Variants in TRAM2 observed in about 807,000 individuals in gnomAD.
The protein encoded by TRAM2 is translocating chain-associated membrane protein 2.
Under a neutral mutation model 51.0 loss-of-function variants are expected in TRAM2, and 12 were observed. The observed-to-expected ratio is 0.24, with a 90% CI of 0.15 to 0.38. The LOEUF (loss-of-function observed/expected upper bound fraction) is 0.38, where lower values mean the gene tolerates loss of function less well. Ranked by LOEUF, TRAM2 falls within the 10% of genes least tolerant of loss-of-function variation. TRAM2 has a pLI of 1.00. For synonymous variants in TRAM2, 175 were observed against 179.4 expected (o/e 0.98, Z 0.20); for missense variants, 361 against 462.0 (o/e 0.78, Z 2.00).
At chr6:52,573,433 G>A (rs1475339087) in intron 1 of TRAM2, among the ~76,000 whole-genome samples, 4 of 152,182 alleles carry the variant, frequency 2.6e-5, no homozygotes, top group African/African-American at 9.7e-5. Context: ...CGGTGGAAAG[G>A]AAGGAGGGGG....
chr6:52,521,315 G>A (rs1766669075), intron 2 of TRAM2, among the ~76,000 whole-genome samples: 1 of 152,076 alleles, frequency 6.6e-6, no homozygotes, highest in Admixed American at 6.5e-5. Flanking sequence ...TTGGACCTTT[G>A]TCCCCTTCCA....
At chr6:52,568,465 A>C (rs1388852273) in intron 1 of TRAM2, among the ~76,000 whole-genome samples, 3 of 152,214 alleles carry the variant, frequency 2.0e-5, no homozygotes, top group Admixed American at 1.3e-4. Flanking sequence ...TTCTGCTCTA[A>C]GTTCTGAGGA....
intron 1 of TRAM2, among the ~76,000 whole-genome samples, chr6:52,557,192 C>CAAAAAAAAAAAAAAA (rs371429027): frequency 2.1e-5 from 3 of 140,160 alleles, no homozygotes; most frequent in South Asian, 2.3e-4. Context: ...AACTCTGTCT[C>CAAAAAAAAAAAAAAA]AAAAAAAAAA....
intron 4 of TRAM2, among the ~76,000 whole-genome samples, chr6:52,514,353 G>A (rs542908377): frequency 6.6e-6 from 1 of 152,160 alleles, no homozygotes; most frequent in Non-Finnish European, 1.5e-5. Flanking sequence ...TTCCAACGGA[G>A]GAGGGCAAGG....
intron 9 of TRAM2, among the ~76,000 whole-genome samples, chr6:52,505,199 G>A (rs866446814): frequency 3.3e-5 from 5 of 152,220 alleles, no homozygotes; most frequent in African/African-American, 1.2e-4. Flanking sequence ...ACTCTCCTGG[G>A]CCTAGGGGCT....
chr6:52,574,226 G>A (rs748965720), intron 1 of TRAM2, among the ~76,000 whole-genome samples: 22 of 152,002 alleles, frequency 1.4e-4, no homozygotes, highest in African/African-American at 4.8e-4. Flanking sequence ...GTTATGAGGC[G>A]TCTCCCCAGG....
At chr6:52,549,377 C>T (rs1355574371) in intron 1 of TRAM2, among the ~76,000 whole-genome samples, 1 of 151,800 alleles carries the variant, frequency 6.6e-6, no homozygotes, top group Non-Finnish European at 1.5e-5. Flanking sequence ...CAAAGCTTTG[C>T]TTCCCACAAT....
chr6:52,550,847 G>T (rs142423960), intron 1 of TRAM2, among the ~76,000 whole-genome samples: 42 of 152,272 alleles, frequency 2.8e-4, no homozygotes, highest in African/African-American at 8.7e-4. Context: ...GGGATTACAG[G>T]AGTGTGCCAC....
At chr6:52,521,675 A>C (rs989234374) in intron 2 of TRAM2, among the ~76,000 whole-genome samples, 4 of 151,934 alleles carry the variant, frequency 2.6e-5, no homozygotes, top group Admixed American at 2.0e-4. Flanking sequence ...CTAGCCTGGG[A>C]GACAGAGCGA....
chr6:52,523,775 T>C (rs1766721911), intron 2 of TRAM2: 1 of 152,264 alleles, frequency 6.6e-6, no homozygotes, highest in African/African-American at 2.4e-5. Flanking sequence ...ACCACAGCAC[T>C]GTTTTTAATG....
intron 4 of TRAM2, among the ~76,000 whole-genome samples, chr6:52,513,388 G>GT (rs1323182735): frequency 6.6e-6 from 1 of 152,198 alleles, no homozygotes; most frequent in Non-Finnish European, 1.5e-5. Context: ...TGGGCACTTA[G>GT]TATGTGCCAG....
At chr6:52,514,492 T>C (rs768728724) in intron 4 of TRAM2, among the ~76,000 whole-genome samples, 3 of 152,174 alleles carry the variant, frequency 2.0e-5, no homozygotes, top group Non-Finnish European at 4.4e-5. Flanking sequence ...AAAACTGTTA[T>C]GTGCCTCCCC....
In TRAM2 at chr6:52,497,918, G is replaced by A. The variant is rs1766119302; in HGVS notation, c.*5279C>T. The A allele has an allele frequency of 6.6e-6, 1 of 152,216 alleles. No individual in the cohort carries two copies. The highest frequency in any genetic ancestry group is 2.4e-5 in the African/African-American group (1 of 41,446). 9.4% of individuals were successfully genotyped at this position (152,216 alleles called of 1,614,324 possible). A position where few individuals can be genotyped will look rare whatever the true frequency, so the allele number is the denominator to read the frequency against. On this transcript the variant is annotated 3_prime_UTR_variant, in exon 11 of 11. Transcript: ENST00000182527. ...CGCAAAATATCCTTCCTCTCCACGT[G>A]AACAAGTAGCTCTAGAGTGCTTTTA...
At chr6:52,538,880 A>G (rs1767019575) in intron 1 of TRAM2, among the ~76,000 whole-genome samples, 1 of 152,232 alleles carries the variant, frequency 6.6e-6, no homozygotes, top group Non-Finnish European at 1.5e-5. Context: ...ATTAGTGAAC[A>G]CTGAAACCTT....
chr6:52,549,128 G>A (rs530982905), intron 1 of TRAM2, among the ~76,000 whole-genome samples: 8 of 152,274 alleles, frequency 5.3e-5, no homozygotes, highest in East Asian at 1.9e-4. Flanking sequence ...GCTGTCCACC[G>A]TGTGGTCCAA....
intron 1 of TRAM2, among the ~76,000 whole-genome samples, chr6:52,559,861 CAA>C (rs1351096889): frequency 6.6e-6 from 1 of 152,166 alleles, no homozygotes; most frequent in Admixed American, 6.5e-5. Flanking sequence ...ATTCTTATCT[CAA>C]GTTTTTTTTT....
intron 1 of TRAM2, among the ~76,000 whole-genome samples, chr6:52,570,792 A>T (rs867920266): frequency 3.0e-5 from 1 of 32,902 alleles, no homozygotes; most frequent in Non-Finnish European, 5.8e-5. Flanking sequence ...CTCCCTGCCC[A>T]CCACCCCCCC....
chr6:52,506,135 G>C lies in TRAM2; in HGVS notation c.628C>G (p.Leu210Val), dbSNP rs1766345279. 1 of 1,613,400 alleles carries C rather than the reference G, an allele frequency of 6.2e-7. No individual in the cohort carries two copies. The highest frequency in any genetic ancestry group is 2.2e-5 in the East Asian group (1 of 44,886). The change falls in exon 8 of 11, where the codon CTG (leucine) becomes GTG (valine). Residue 210 changes from leucine to valine, a missense_variant and splice_region_variant. By Grantham distance (32) the Leu-to-Val change is conservative. Transcript: ENST00000182527. Reference sequence around the variant, plus strand: ...AGCAAGATCAGGCCCAGGCGGCTCAGGCTGGGGGTGGGGAAGACTAGACTT... The same window carrying C: ...AGCAAGATCAGGCCCAGGCGGCTCACGCTGGGGGTGGGGAAGACTAGACTT... ...VHIAGAYLLNLSRLGLILLLL... is the reference protein window; with the variant it reads ...VHIAGAYLLNVSRLGLILLLL...
chr6:52,558,860 C>A (rs1767452872), intron 1 of TRAM2, among the ~76,000 whole-genome samples: 1 of 152,022 alleles, frequency 6.6e-6, no homozygotes, highest in Non-Finnish European at 1.5e-5. Flanking sequence ...GAGATGTGGC[C>A]CCAAACCCAA....
Sources: gnomAD v4.1 joint callset for allele counts (sites outside exome capture counted in the v4.1 genomes callset) on GRCh38, gnomAD v4.1.1 for gene constraint, MANE v1.5 for transcripts, NCBI Gene and HGNC (gene_info 2026-07-23, HGNC 2026-07-21) for gene names.